PTPRD: variants seen among roughly 807,000 people sequenced by gnomAD.
PTPRD encodes protein tyrosine phosphatase receptor type D, also known as receptor-type tyrosine-protein phosphatase delta.
A neutral mutation model predicts 214.5 loss-of-function variants in PTPRD; 34 were observed. The observed-to-expected ratio is 0.16, with a 90% CI of 0.12 to 0.21. The LOEUF (loss-of-function observed/expected upper bound fraction) is 0.21, where lower values mean the gene tolerates loss of function less well. Ranked by LOEUF, PTPRD falls within the 10% of genes least tolerant of loss-of-function variation. The pLI, the probability that PTPRD is intolerant of heterozygous loss-of-function variation, is 1.00. For missense variants in PTPRD, 2,545 were observed against 2,398.7 expected, an observed-to-expected ratio of 1.06 and a Z score of -1.27; for synonymous variants, 1,128 against 845.7, an observed-to-expected ratio of 1.33 and a Z score of -5.79.
chr9:8,445,935 A>T (rs1299137328), intron 34 of PTPRD, among the ~76,000 whole-genome samples: 2 of 152,192 alleles, frequency 1.3e-5, no homozygotes, highest in Non-Finnish European at 2.9e-5. Context: ...CAGAATGAGA[A>T]GATACAGCAA....
At chr9:9,315,689 A>G (rs1035548071) in intron 9 of PTPRD, among the ~76,000 whole-genome samples, 8 of 151,850 alleles carry the variant, frequency 5.3e-5, no homozygotes, top group Non-Finnish European at 1.2e-4. Flanking sequence ...GCTACTGTAG[A>G]ATATTCCTTG....
At chr9:9,153,286 T>A (rs1355557042) in intron 10 of PTPRD, among the ~76,000 whole-genome samples, 2 of 152,180 alleles carry the variant, frequency 1.3e-5, no homozygotes. Flanking sequence ...ATAGACTGAC[T>A]CTTTAGTTTT....
At chr9:10,080,611 C>G (rs1342137967) in intron 3 of PTPRD, among the ~76,000 whole-genome samples, 2 of 152,094 alleles carry the variant, frequency 1.3e-5, no homozygotes, top group South Asian at 2.1e-4. Flanking sequence ...AATAACAGTA[C>G]AGTTAACATA....
intron 9 of PTPRD, among the ~76,000 whole-genome samples, chr9:9,205,967 T>C (rs1413327761): frequency 6.6e-6 from 1 of 151,922 alleles, no homozygotes; most frequent in African/African-American, 2.4e-5. Flanking sequence ...TAGCAGAGGG[T>C]GGGGTTATTT....
chr9:9,463,400 G>C (rs1441284581), intron 8 of PTPRD, among the ~76,000 whole-genome samples: 1 of 152,100 alleles, frequency 6.6e-6, no homozygotes, highest in African/African-American at 2.4e-5. Flanking sequence ...GGCAGGAAGA[G>C]GGAGATTTGG....
chr9:9,739,192 G>A (rs1293471740), intron 6 of PTPRD, among the ~76,000 whole-genome samples: 1 of 152,054 alleles, frequency 6.6e-6, no homozygotes, highest in Non-Finnish European at 1.5e-5. Flanking sequence ...TTGCATTCAC[G>A]CATTTACCAA....
chr9:10,068,258 GGAAAAGGTGGT>G (rs893126583), intron 3 of PTPRD, among the ~76,000 whole-genome samples: 1 of 151,818 alleles, frequency 6.6e-6, no homozygotes, highest in African/African-American at 2.4e-5. Flanking sequence ...AACCGAATGT[GGAAAAGGTGGT>G]GAAAAGCCTT....
At chr9:9,192,817 T>C (rs1296767255) in intron 9 of PTPRD, among the ~76,000 whole-genome samples, 2 of 152,004 alleles carry the variant, frequency 1.3e-5, no homozygotes, top group East Asian at 3.9e-4. Context: ...GAAAATCAAC[T>C]GTTAATAAAT....
chr9:9,121,359 A>C (rs1270539236), intron 10 of PTPRD, among the ~76,000 whole-genome samples: 2 of 152,178 alleles, frequency 1.3e-5, no homozygotes, highest in Non-Finnish European at 2.9e-5. Flanking sequence ...TTATTCGAAA[A>C]AGATACTTGC....
chr9:9,154,829 T>A (rs559354377), intron 10 of PTPRD, among the ~76,000 whole-genome samples: 1 of 152,290 alleles, frequency 6.6e-6, no homozygotes, highest in South Asian at 2.1e-4. Context: ...AAAAATCATT[T>A]CCTATATTTT....
In PTPRD at chr9:8,890,354, A is replaced by G. The variant is rs1294077258; in HGVS notation, c.-104+128343T>C. ...GAAGTAAGAGATACTACTGTTTTCCATCTCACATTTCTATCTGGATGTGTA... is the reference window on the plus strand; with the variant it reads ...GAAGTAAGAGATACTACTGTTTTCCGTCTCACATTTCTATCTGGATGTGTA... On this transcript the variant is annotated intron_variant, in intron 11 of 45. Transcript: ENST00000381196. 2.6e-5 allele frequency among the ~76,000 whole-genome samples: 4 copies of G among 152,348 alleles called. No individual in the cohort carries two copies. The South Asian group carries it at 6.2e-4, about 24-fold the overall frequency.
chr9:9,652,895 T>A (rs7863443), intron 7 of PTPRD, among the ~76,000 whole-genome samples: 4 of 152,138 alleles, frequency 2.6e-5, no homozygotes, highest in African/African-American at 9.7e-5. Flanking sequence ...ATTATAGGCA[T>A]GTGCCACTAT....
At position 10,409,407 on chromosome 9, in the gene PTPRD, A is replaced by T. The variant is rs561634612; in HGVS notation, c.-599-68390T>A. On this transcript the variant is annotated intron_variant, in intron 2 of 45. Transcript: ENST00000381196. ...AATCCTTCATATTATGGTCATACTA[A>T]TCACCCTAATAGCATCATTGTTATC... Among the ~76,000 whole-genome samples the T allele has an allele frequency of 2.6e-5, 4 of 151,834 alleles. No homozygotes were observed. In the East Asian group the frequency reaches 7.8e-4, roughly 30 times the overall value.
chr9:10,596,021 T>C (rs1404891662), intron 2 of PTPRD, among the ~76,000 whole-genome samples: 1 of 151,874 alleles, frequency 6.6e-6, no homozygotes, highest in Non-Finnish European at 1.5e-5. Context: ...AAATCGTTTT[T>C]CTTCTAATCC....
chr9:9,891,834 T>A (rs909299614), intron 5 of PTPRD, among the ~76,000 whole-genome samples: 4 of 152,138 alleles, frequency 2.6e-5, no homozygotes, highest in Non-Finnish European at 5.9e-5. Flanking sequence ...GTCATAAGAT[T>A]TAGATTTTAT....
At chr9:9,352,494 G>A (rs1023868125) in intron 9 of PTPRD, among the ~76,000 whole-genome samples, 1 of 151,446 alleles carries the variant, frequency 6.6e-6, no homozygotes, top group Non-Finnish European at 1.5e-5. Context: ...TGCCTCATTT[G>A]TTTTCATAAC....
At chr9:9,325,904 G>C (rs558163364) in intron 9 of PTPRD, among the ~76,000 whole-genome samples, 3 of 151,440 alleles carry the variant, frequency 2.0e-5, no homozygotes, top group Non-Finnish European at 4.4e-5. Context: ...TAGCATGAAG[G>C]GCTGTTGAAC....
intron 8 of PTPRD, among the ~76,000 whole-genome samples, chr9:9,547,632 A>C (rs532927634): frequency 2.4e-4 from 37 of 152,220 alleles, no homozygotes; most frequent in Non-Finnish European, 4.3e-4. Flanking sequence ...ATGCCATAGG[A>C]TATCTGTATG....
intron 7 of PTPRD, among the ~76,000 whole-genome samples, chr9:9,588,073 C>A (rs1449652631): frequency 6.6e-6 from 1 of 151,876 alleles, no homozygotes. Flanking sequence ...TTGATCATAA[C>A]ACATTCCAAA....
Sources: allele counts gnomAD v4.1 joint callset (sites outside exome capture counted in the v4.1 genomes callset), GRCh38; gene constraint gnomAD v4.1.1; transcripts MANE v1.5; gene names NCBI Gene and HGNC (gene_info 2026-07-23, HGNC 2026-07-21).